Variants in KIF23 observed in about 807,000 individuals in gnomAD.
KIF23 encodes kinesin family member 23, also known as kinesin-like protein KIF23.
In KIF23, 30 loss-of-function variants were observed where a neutral mutation model predicts 137.5. The observed-to-expected ratio is 0.22, with a 90% CI of 0.16 to 0.30. The LOEUF is 0.30. Ranked by LOEUF, KIF23 falls within the 10% of genes least tolerant of loss-of-function variation. KIF23 has a pLI of 1.00. For synonymous variants in KIF23, 367 were observed against 391.1 expected, an observed-to-expected ratio of 0.94 and a Z score of 0.73; for missense variants, 920 against 1,194.3, an observed-to-expected ratio of 0.77 and a Z score of 3.38.
At chr15:69,447,509 A>T (rs910222619) in intron 23 of KIF23, among the ~76,000 whole-genome samples, 1 of 152,162 alleles carries the variant, frequency 6.6e-6, no homozygotes. Context: ...CACATGTTAT[A>T]TACATATATG....
In KIF23 at chr15:69,422,106, G is replaced by T. The variant is rs758885320; in HGVS notation, c.431G>T (p.Gly144Val). ...TTGGACATGATCTTTAACAGTATAG[G>T]GTCATTTCAAGCTAAACGATATGTA... is the stretch of plus-strand genomic sequence containing the variant. The part of the protein sequence containing the change: ...RCLDMIFNSI[G>V]SFQAKRYVFK... The change falls in exon 5 of 24, where the codon GGG (glycine) becomes GTG (valine). Residue 144 changes from glycine to valine, a missense_variant. Physicochemically the swap from Gly to Val is moderately radical, Grantham distance 109. Coordinates refer to ENST00000679126, the MANE Select transcript of KIF23 (RefSeq NM_001367805.3). The T allele has an allele frequency of 1.5e-5, 25 of 1,613,628 alleles. No homozygotes were observed. Among genetic ancestry groups the T allele is most frequent in the Non-Finnish European group, 1.7e-5 (20 of 1,179,900 alleles).
intron 20 of KIF23, among the ~76,000 whole-genome samples, chr15:69,445,752 G>A (rs1327599120): frequency 6.6e-6 from 1 of 152,126 alleles, no homozygotes; most frequent in Non-Finnish European, 1.5e-5. Flanking sequence ...ATTACAGATG[G>A]AGCAAAAGGA....
intron 1 of KIF23, chr15:69,414,776 G>A (rs2056852099): frequency 2.8e-6 from 1 of 353,464 alleles, no homozygotes. Context: ...TCCCGGGGGC[G>A]GGGCAGTCCT....
Position 69,435,011 on chromosome 15 carries a change from C to T in KIF23, c.1115-472C>T, listed in dbSNP as rs1000548067. The T allele has an allele frequency of 2.7e-5, 16 of 598,174 alleles. No homozygotes were observed. The South Asian group carries it at 2.9e-4, about 11-fold the overall frequency. The allele number at this position is 598,174 out of a possible 1,614,324, so 37.1% of individuals were successfully genotyped here. A position where few individuals can be genotyped will look rare whatever the true frequency, so the allele number is the denominator to read the frequency against. Reference sequence around the variant, plus strand: ...TCAGAAACAGCACGGACTCGCTCAACACCGCGTTGGCATCTCCCTGGTGTG... The same window carrying T: ...TCAGAAACAGCACGGACTCGCTCAATACCGCGTTGGCATCTCCCTGGTGTG... On this transcript the variant is annotated intron_variant, in intron 11 of 23. Coordinates refer to ENST00000679126, the MANE Select transcript of KIF23 (RefSeq NM_001367805.3).
intron 9 of KIF23, 40 bp downstream of exon 9, chr15:69,426,222 A>C (rs1036912729): frequency 1.3e-6 from 2 of 1,589,278 alleles, no homozygotes; most frequent in East Asian, 2.2e-5. Flanking sequence ...AGAATGATGA[A>C]TATCACCTAG....
rs2057071823 is a variant in KIF23, at chr15:69,422,145, T to C, written c.453+17T>C. 6.2e-7 allele frequency: 1 copy of C among 1,612,464 alleles called. No individual in the cohort carries two copies. The highest frequency in any genetic ancestry group is 8.5e-7 in the Non-Finnish European group (1 of 1,179,134). ...AAACGATATGTAAGTATGATTCTTT[T>C]GTGTTGTGACTATCTTACTGGACTA... On this transcript the variant is annotated intron_variant, in intron 5 of 23. Transcript: ENST00000679126.
In KIF23 at chr15:69,440,058, T is replaced by C. The variant is rs903413261; in HGVS notation, c.1910T>C (p.Met637Thr). The C allele has an allele frequency of 1.9e-6, 3 of 1,613,390 alleles. No homozygotes were observed. The highest frequency in any genetic ancestry group is 1.3e-5 in the African/African-American group (1 of 74,854). ...CAAGGCATGGTGACAGAAACGACAA[T>C]GAAGTGGGAGAAAGAATGTGTGAGT... ...RLQGMVTETT[M>T]KWEKECERRV... Residue 637 changes from methionine (M) to threonine (T), a missense_variant, in exon 17 of 24, where the codon ATG becomes ACG. Coordinates refer to ENST00000679126, the MANE Select transcript of KIF23 (RefSeq NM_001367805.3).
intron 20 of KIF23, 130 bp from the exon 21 acceptor site, chr15:69,445,872 GCAAGTAC>G (rs1186041402): frequency 1.5e-6 from 1 of 666,660 alleles, no homozygotes; most frequent in Non-Finnish European, 2.6e-6. Flanking sequence ...TACGTACTCA[GCAAGTAC>G]CAAGTACCAT....
chr15:69,424,260 G>A (rs890055596), intron 7 of KIF23, among the ~76,000 whole-genome samples: 1 of 152,086 alleles, frequency 6.6e-6, no homozygotes, highest in Non-Finnish European at 1.5e-5. Context: ...CAGAGTCCTT[G>A]AATTTTCATC....
At chr15:69,434,663 T>C (rs1038203134) in intron 11 of KIF23, 3 of 1,477,002 alleles carry the variant, frequency 2.0e-6, no homozygotes, top group African/African-American at 2.8e-5. Flanking sequence ...TGTCTCACCC[T>C]CCTGTCTTGA....
intron 19 of KIF23, chr15:69,443,865 C>T (rs1200565982): frequency 6.6e-6 from 1 of 151,926 alleles, no homozygotes; most frequent in Admixed American, 6.6e-5. Context: ...CTGCAATTTC[C>T]ACCTCCTGGG....
chr15:69,432,057 G>C (rs1309464670), intron 11 of KIF23, among the ~76,000 whole-genome samples: 1 of 152,186 alleles, frequency 6.6e-6, no homozygotes, highest in Non-Finnish European at 1.5e-5. Context: ...GGCGGAGCAA[G>C]ATCCTGGAAG....
At chr15:69,442,541 A>T (rs1216630107) in intron 19 of KIF23, among the ~76,000 whole-genome samples, 1 of 152,228 alleles carries the variant, frequency 6.6e-6, no homozygotes, top group Non-Finnish European at 1.5e-5. Flanking sequence ...TTATTAAGGG[A>T]TGGTGATGAA....
Position 69,421,658 on chromosome 15 carries a change from A to G in KIF23, c.222A>G (p.Ser74=), listed in dbSNP as rs750263883. The change falls in exon 4 of 24, where the codon TCA becomes TCG. Residue 74 remains serine (S), a synonymous_variant. Transcript: ENST00000679126. ...TTCTCTCTCCACAGACTCAGTATTC[A>G]TTTAAACAAGTATTTGGCACTCACA... ...RNGDYKETQY[S]FKQVFGTHTT... 3.7e-6 allele frequency: 6 copies of G among 1,609,942 alleles called. No individual in the cohort carries two copies. Among genetic ancestry groups the G allele is most frequent in the Non-Finnish European group, 5.1e-6 (6 of 1,176,346 alleles).
chr15:69,440,544 G>A, intron 18 of KIF23, 57 bp downstream of exon 18: 5 of 1,447,692 alleles, frequency 3.5e-6, no homozygotes, highest in Non-Finnish European at 3.7e-6. Flanking sequence ...GTTCAGATTA[G>A]ATGACTATTT....
rs770864232 is a variant in KIF23 at position 69,440,741 on chromosome 15, T to C, written c.2110-27T>C. ...GTTTCTCTCAGTTTTTCAGTCTTGC[T>C]CATTAATTTTTCTCCAATTTTTCTA... On this transcript the variant is annotated intron_variant, in intron 18 of 23. Coordinates refer to ENST00000679126, the MANE Select transcript of KIF23 (RefSeq NM_001367805.3). The C allele has an allele frequency of 6.4e-6, 10 of 1,559,608 alleles. No individual in the cohort carries two copies. The East Asian group carries it at 2.0e-4, about 32-fold the overall frequency.
At chr15:69,415,005 G>C (rs1327109229) in intron 1 of KIF23, 4 of 153,054 alleles carry the variant, frequency 2.6e-5, no homozygotes, top group Admixed American at 1.3e-4. Context: ...TTGAGGCCGA[G>C]CCCATCCGCT....
chr15:69,415,038 TG>T (rs2056862792), intron 1 of KIF23: 1 of 152,398 alleles, frequency 6.6e-6, no homozygotes, highest in African/African-American at 2.4e-5. Context: ...TTACTTCTGC[TG>T]TATTTTGTGG....
Position 69,446,183 on chromosome 15 carries a change from T to C in KIF23, c.2756+92T>C, listed in dbSNP as rs1335925373. On this transcript the variant is annotated intron_variant, in intron 21 of 23. Coordinates refer to ENST00000679126, the MANE Select transcript of KIF23 (RefSeq NM_001367805.3). ...CAGAATAGCCTGTGAAATGTATCAT[T>C]AATTCTCCAAAGGGATGTAGATAGT... The C allele has an allele frequency of 5.6e-6, 8 of 1,436,404 alleles. No homozygotes were observed. In the African/African-American group the frequency reaches 1.1e-4, roughly 20 times the overall value. The allele number at this position is 1,436,404 out of a possible 1,614,324, so 89.0% of individuals were successfully genotyped here.
Sources: allele counts gnomAD v4.1 joint callset (sites outside exome capture counted in the v4.1 genomes callset), GRCh38; gene constraint gnomAD v4.1.1; transcripts MANE v1.5; gene names NCBI Gene and HGNC (gene_info 2026-07-23, HGNC 2026-07-21).